FREM1: variants seen among roughly 807,000 people sequenced by gnomAD.
FREM1 encodes FRAS1 related extracellular matrix 1, also known as FRAS1-related extracellular matrix protein 1.
A neutral mutation model predicts 210.1 loss-of-function variants in FREM1; 220 were observed. The ratio of observed to expected loss-of-function variants is 1.05; its 90% confidence interval spans 0.94 to 1.17. The LOEUF (loss-of-function observed/expected upper bound fraction) is 1.17, where lower values mean the gene tolerates loss of function less well. Among genes scored for constraint, FREM1 ranks in the 50% most tolerant of loss-of-function variants. FREM1 has a pLI of 0.00. For missense variants in FREM1, 3,454 were observed against 2,675.5 expected (o/e 1.29, Z -6.42); for synonymous variants, 1,189 against 980.2 (o/e 1.21, Z -3.98).
intron 6 of FREM1, chr9:14,850,337 C>G (rs1246050310): frequency 6.7e-6 from 1 of 149,024 alleles, no homozygotes; most frequent in Non-Finnish European, 1.5e-5. Flanking sequence ...AATGTCCTAT[C>G]CTGAGTCCGT....
At chr9:14,864,651 A>G (rs1388596677) in intron 2 of FREM1, among the ~76,000 whole-genome samples, 2 of 152,326 alleles carry the variant, frequency 1.3e-5, no homozygotes, top group African/African-American at 2.4e-5. Flanking sequence ...TTAGAGGAAG[A>G]ATCATCTCTC....
At chr9:14,862,864 A>G (rs1830825220) in intron 3 of FREM1, among the ~76,000 whole-genome samples, 1 of 152,124 alleles carries the variant, frequency 6.6e-6, no homozygotes, top group Non-Finnish European at 1.5e-5. Context: ...AATATACCAC[A>G]TATTGTTTAT....
intron 6 of FREM1, among the ~76,000 whole-genome samples, chr9:14,850,222 CAG>C (rs966716597): frequency 6.6e-5 from 10 of 152,114 alleles, no homozygotes; most frequent in African/African-American, 2.2e-4. Flanking sequence ...AACTACAAAA[CAG>C]AGGAGAGAGG....
In FREM1 at chr9:14,869,055, G is replaced by A; in HGVS notation, c.-78C>T. 1.0e-6 allele frequency: 1 copy of A among 1,003,780 alleles called. No homozygotes were observed. The highest frequency in any genetic ancestry group is 1.7e-5 in the South Asian group (1 of 60,444). 62.2% of individuals were successfully genotyped at this position (1,003,780 alleles called of 1,614,324 possible). ...GAGGGCTTCTGTGCTTCCTCCTGGA[G>A]GGTCAGCTCATAGTCCAAGGGGCAG... On this transcript the variant is annotated 5_prime_UTR_variant, in exon 2 of 37. Coordinates refer to ENST00000380880, the MANE Select transcript of FREM1 (RefSeq NM_001379081.2).
chr9:14,797,629 C>T lies in FREM1; in HGVS notation c.3708G>A (p.Thr1236=), dbSNP rs61747541. ...MELLKTGMRL[T]YMHDDSESLA... The stretch of plus-strand genomic sequence containing the variant: ...GGCTCTCTGAGTCATCATGCATGTA[C>T]GTCAACCTCATTCCTGGAAGAAGGA... The change falls in exon 21 of 37, where the codon ACG becomes ACA. Residue 1236 remains threonine (T), a synonymous_variant. Coordinates refer to ENST00000380880, the MANE Select transcript of FREM1 (RefSeq NM_001379081.2). 3.4e-3 allele frequency: 5,529 copies of T among 1,610,720 alleles called. 171 individuals carry two copies. In the African/African-American group the frequency reaches 0.064, roughly 19 times the overall value.
chr9:14,797,980 T>A (rs1219008814), intron 20 of FREM1, among the ~76,000 whole-genome samples: 2 of 152,174 alleles, frequency 1.3e-5, no homozygotes, highest in Non-Finnish European at 2.9e-5. Flanking sequence ...GTTATATCCC[T>A]ACCTCGAGCC....
intron 35 of FREM1, among the ~76,000 whole-genome samples, chr9:14,741,362 C>G (rs148790502): frequency 6.6e-6 from 1 of 152,300 alleles, no homozygotes; most frequent in Admixed American, 6.5e-5. Flanking sequence ...TTTCCCTCTA[C>G]TAATAACAGT....
At chr9:14,900,335 A>T (rs941756565) in intron 1 of FREM1, among the ~76,000 whole-genome samples, 2 of 152,238 alleles carry the variant, frequency 1.3e-5, no homozygotes, top group Non-Finnish European at 2.9e-5. Context: ...CACTGCTGCA[A>T]ATATTAACTG....
chr9:14,904,575 G>A (rs1817360077), intron 1 of FREM1, among the ~76,000 whole-genome samples: 1 of 152,064 alleles, frequency 6.6e-6, no homozygotes, highest in African/African-American at 2.4e-5. Context: ...ATGTTTGAAG[G>A]GGAGTGACTT....
chr9:14,897,588 T>A (rs932355323), intron 1 of FREM1, among the ~76,000 whole-genome samples: 1 of 99,266 alleles, frequency 1.0e-5, no homozygotes, highest in Non-Finnish European at 2.3e-5. Context: ...ACTGTAATGA[T>A]AATTTTTTTT....
At position 14,801,756 on chromosome 9, in the gene FREM1, A is replaced by G; in HGVS notation, c.3590T>C (p.Ile1197Thr). ...ITQKPRHGLL[I>T]DRGFSKDFSE... ...GAAGTCTTTGCTAAACCCCCTATCG[A>G]TGAGGAGGCCATGGCGTGGCTTTTG... The change falls in exon 20 of 37, where the codon ATC becomes ACC. Residue 1197 changes from isoleucine (I) to threonine (T), a missense_variant. Coordinates refer to ENST00000380880, the MANE Select transcript of FREM1 (RefSeq NM_001379081.2). The G allele has an allele frequency of 6.2e-7, 1 of 1,613,914 alleles. No homozygotes were observed.
Position 14,788,956 on chromosome 9 carries a change from A to G in FREM1, c.4140T>C (p.Ala1380=), listed in dbSNP as rs750989524. The change falls in exon 23 of 37, where the codon GCT becomes GCC. Residue 1380 remains alanine (A), a synonymous_variant. Coordinates refer to ENST00000380880, the MANE Select transcript of FREM1 (RefSeq NM_001379081.2). ...CCTTGATGGTGATTTGACAGTCAAG[A>G]GCAGGGGACCTGTTGTTGCCATCCC... ...YLWDGNNRSP[A]LDCQITIKDM... 42 of 1,613,108 alleles carry G rather than the reference A, an allele frequency of 2.6e-5. No individual in the cohort carries two copies. The highest frequency in any genetic ancestry group is 3.2e-5 in the Non-Finnish European group (38 of 1,179,610).
intron 29 of FREM1, among the ~76,000 whole-genome samples, chr9:14,755,611 A>T (rs1432945356): frequency 6.6e-6 from 1 of 152,232 alleles, no homozygotes; most frequent in Admixed American, 6.5e-5. Context: ...GCCGGGCTCC[A>T]GCCTCAGCTT....
chr9:14,833,685 T>C (rs1355540237), intron 10 of FREM1, among the ~76,000 whole-genome samples: 1 of 152,276 alleles, frequency 6.6e-6, no homozygotes, highest in African/African-American at 2.4e-5. Flanking sequence ...AAAAGGATTT[T>C]CTTAAAGAGT....
At chr9:14,761,081 T>C (rs984877068) in intron 27 of FREM1, among the ~76,000 whole-genome samples, 5 of 152,226 alleles carry the variant, frequency 3.3e-5, no homozygotes, top group African/African-American at 1.2e-4. Context: ...CTTTCTTTTT[T>C]TGTGGAACTA....
At chr9:14,875,022 T>A (rs914409669) in intron 1 of FREM1, among the ~76,000 whole-genome samples, 8 of 152,234 alleles carry the variant, frequency 5.3e-5, no homozygotes, top group Non-Finnish European at 1.2e-4. Flanking sequence ...TTGTAGAGTT[T>A]CTGCCGAGAG....
In FREM1 at chr9:14,888,178, C is replaced by T. The variant is rs1297952762; in HGVS notation, c.-267-18934G>A. Among the ~76,000 whole-genome samples the T allele has an allele frequency of 6.6e-5, 10 of 152,234 alleles. No individual in the cohort carries two copies. The East Asian group carries it at 9.6e-4, about 15-fold the overall frequency. On this transcript the variant is annotated intron_variant, in intron 1 of 36. Transcript: ENST00000380880. The stretch of plus-strand genomic sequence containing the variant: ...CATATATTATATTGTTTAATCCCTA[C>T]TATGGTTTTAGGAGGTAGATAATGA...
At chr9:14,904,851 T>C (rs1421393018) in intron 1 of FREM1, among the ~76,000 whole-genome samples, 1 of 152,104 alleles carries the variant, frequency 6.6e-6, no homozygotes. Flanking sequence ...CTTCTTCCCA[T>C]CCTTAAACTC....
intron 1 of FREM1, among the ~76,000 whole-genome samples, chr9:14,874,199 G>C (rs1012582550): frequency 1.4e-4 from 21 of 152,194 alleles, no homozygotes; most frequent in African/African-American, 2.2e-4. Flanking sequence ...TGGTGCAGAG[G>C]TGAGTTCAAT....
Sources: allele counts gnomAD v4.1 joint callset (sites outside exome capture counted in the v4.1 genomes callset), GRCh38; gene constraint gnomAD v4.1.1; transcripts MANE v1.5; gene names NCBI Gene and HGNC (gene_info 2026-07-23, HGNC 2026-07-21).